The following CFAP20DC variants were observed in gnomAD, a reference collection of about 807,000 sequenced individuals.
CFAP20DC encodes the protein CFAP20 domain containing, also known as protein CFAP20DC.
CFAP20DC carries 84 observed loss-of-function variants against 101.7 expected under a neutral mutation model. That is an observed-to-expected ratio of 0.83 (90% confidence interval 0.69 to 0.99). CFAP20DC has a LOEUF of 0.99. Among genes scored for constraint, CFAP20DC ranks in the 50% least tolerant of loss-of-function variants. The pLI is 0.00. For missense variants in CFAP20DC, 1,007 were observed against 970.3 expected (o/e 1.04, Z -0.50); for synonymous variants, 359 against 351.2 (o/e 1.02, Z -0.25).
intron 15 of CFAP20DC, among the ~76,000 whole-genome samples, chr3:58,771,125 G>A (rs537350159): frequency 3.9e-4 from 59 of 152,156 alleles, no homozygotes; most frequent in African/African-American, 1.2e-3. Context: ...GCTGGAAACT[G>A]TCATTCTCAG....
At chr3:58,963,040 T>C (rs984560695) in intron 4 of CFAP20DC, among the ~76,000 whole-genome samples, 1 of 152,006 alleles carries the variant, frequency 6.6e-6, no homozygotes, top group Non-Finnish European at 1.5e-5. Flanking sequence ...GTATTTCCAC[T>C]GTGCTCCAAA....
chr3:58,826,109 C>T (rs1416781132), intron 14 of CFAP20DC, among the ~76,000 whole-genome samples: 4 of 152,084 alleles, frequency 2.6e-5, no homozygotes, highest in East Asian at 1.9e-4. Context: ...TGAATGGGAC[C>T]GGACTACATC....
intron 14 of CFAP20DC, among the ~76,000 whole-genome samples, chr3:58,812,599 A>G (rs959768487): frequency 6.6e-6 from 1 of 151,758 alleles, no homozygotes; most frequent in Non-Finnish European, 1.5e-5. Context: ...AGATATAACT[A>G]ATGCTAAATG....
intron 7 of CFAP20DC, among the ~76,000 whole-genome samples, chr3:58,877,789 T>A (rs183851240): frequency 1.4e-4 from 21 of 152,224 alleles, no homozygotes; most frequent in African/African-American, 5.1e-4. Context: ...CCTGAAAAAC[T>A]GGGTTTATTA....
intron 5 of CFAP20DC, among the ~76,000 whole-genome samples, chr3:58,925,058 T>A (rs1174181035): frequency 6.6e-6 from 1 of 152,128 alleles, no homozygotes; most frequent in Non-Finnish European, 1.5e-5. Context: ...AATATATTTA[T>A]AATAATTGTT....
intron 15 of CFAP20DC, among the ~76,000 whole-genome samples, chr3:58,792,875 C>T (rs1033411736): frequency 1.3e-5 from 2 of 151,806 alleles, no homozygotes; most frequent in Non-Finnish European, 2.9e-5. Context: ...AGAAAAAGTA[C>T]ATGTGGTGTT....
intron 6 of CFAP20DC, among the ~76,000 whole-genome samples, chr3:58,889,007 T>C (rs1426939164): frequency 2.0e-5 from 3 of 152,130 alleles, no homozygotes; most frequent in Admixed American, 6.5e-5. Flanking sequence ...TTTTACTTTT[T>C]TTTTTAATTT....
intron 16 of CFAP20DC, 88 bp from the exon 17 acceptor site, chr3:58,742,660 C>T: frequency 1.2e-6 from 1 of 851,022 alleles, no homozygotes; most frequent in East Asian, 2.8e-5. Context: ...ATCACCATCT[C>T]TCCTGGGGGA....
rs1377299762 is a variant in CFAP20DC, at chr3:58,742,413, A to G, written c.*47T>C. Reference sequence around the variant, plus strand: ...ACTCCTTAAGCGACCCTGAACTGCTATTCTGCTCCAGCTGGGAGTGCCTGC... The same window carrying G: ...ACTCCTTAAGCGACCCTGAACTGCTGTTCTGCTCCAGCTGGGAGTGCCTGC... On this transcript the variant is annotated 3_prime_UTR_variant, in exon 17 of 17. Coordinates refer to ENST00000482387, the MANE Select transcript of CFAP20DC (RefSeq NM_001394063.1). 2.6e-6 allele frequency: 4 copies of G among 1,548,922 alleles called. No homozygotes were observed. The South Asian group carries it at 5.2e-5, about 20-fold the overall frequency.
intron 15 of CFAP20DC, among the ~76,000 whole-genome samples, chr3:58,787,955 G>A (rs1278234750): frequency 6.6e-6 from 1 of 151,700 alleles, no homozygotes; most frequent in Non-Finnish European, 1.5e-5. Flanking sequence ...CACAGACACA[G>A]GGAGGGGAAC....
At chr3:58,763,271 G>C (rs9828044) in intron 15 of CFAP20DC, among the ~76,000 whole-genome samples, 31 of 151,848 alleles carry the variant, frequency 2.0e-4, no homozygotes, top group Non-Finnish European at 4.0e-4. Context: ...TTTTCTTGTC[G>C]CTTCATTTCA....
intron 4 of CFAP20DC, among the ~76,000 whole-genome samples, chr3:58,995,007 G>A (rs1260958028): frequency 6.6e-6 from 1 of 152,080 alleles, no homozygotes; most frequent in Non-Finnish European, 1.5e-5. Context: ...TCGCTCCTAG[G>A]ATATCCATTT....
intron 13 of CFAP20DC, among the ~76,000 whole-genome samples, chr3:58,837,372 T>C (rs964270907): frequency 2.6e-5 from 4 of 152,154 alleles, no homozygotes; most frequent in Non-Finnish European, 4.4e-5. Context: ...TTGAAGCTAA[T>C]GAACAAAATG....
chr3:58,949,490 T>C (rs1219258820), intron 4 of CFAP20DC, among the ~76,000 whole-genome samples: 2 of 152,168 alleles, frequency 1.3e-5, no homozygotes, highest in Admixed American at 6.5e-5. Context: ...TGTGTCTTTG[T>C]TCTCGTTGGT....
chr3:58,916,401 T>C (rs2084715025), intron 5 of CFAP20DC, among the ~76,000 whole-genome samples: 1 of 152,102 alleles, frequency 6.6e-6, no homozygotes, highest in Non-Finnish European at 1.5e-5. Flanking sequence ...ACCAGATCCT[T>C]ACCCACTGTA....
At chr3:58,855,050 A>G (rs1488781579) in intron 12 of CFAP20DC, among the ~76,000 whole-genome samples, 2 of 148,058 alleles carry the variant, frequency 1.4e-5, no homozygotes, top group African/African-American at 5.0e-5. Flanking sequence ...TGAACAGGCA[A>G]CCTACAAAAT....
rs1185397549 is a variant in CFAP20DC at position 58,849,181 on chromosome 3, T to C, written c.1822A>G (p.Thr608Ala). 2.0e-6 allele frequency: 3 copies of C among 1,536,000 alleles called. No homozygotes were observed. The highest frequency in any genetic ancestry group is 3.9e-5 in the Admixed American group (2 of 50,970). Residue 608 changes from threonine (T) to alanine (A), a missense_variant, in exon 13 of 17, where the codon ACT becomes GCT. Transcript: ENST00000482387. ...SLLPTTCLSPTGRRCGSCQKT... is the reference protein window; with the variant it reads ...SLLPTTCLSPAGRRCGSCQKT... ...TGACAGGACCCACACCTTCTTCCAG[T>C]TGGAGAAAGGCATGTTGTAGGCAAC... is the stretch of plus-strand genomic sequence containing the variant.
chr3:58,988,234 A>G (rs1001955193), intron 4 of CFAP20DC, among the ~76,000 whole-genome samples: 6 of 152,230 alleles, frequency 3.9e-5, no homozygotes, highest in South Asian at 4.1e-4. Flanking sequence ...AAAGCATTCA[A>G]TGAAATTCAA....
At chr3:58,755,984 C>T (rs373302037) in intron 15 of CFAP20DC, among the ~76,000 whole-genome samples, 189 of 152,172 alleles carry the variant, frequency 1.2e-3, no homozygotes, top group African/African-American at 3.8e-3. Context: ...ATATAAAATT[C>T]GAAATTCAGT....
Sources: gnomAD v4.1 joint callset for allele counts (sites outside exome capture counted in the v4.1 genomes callset) on GRCh38, gnomAD v4.1.1 for gene constraint, MANE v1.5 for transcripts, NCBI Gene and HGNC (gene_info 2026-07-23, HGNC 2026-07-21) for gene names.